The following TNNI3K variants were observed in gnomAD, a reference collection of about 807,000 sequenced individuals.
TNNI3K encodes the protein serine/threonine-protein kinase TNNI3K.
TNNI3K carries 140 observed loss-of-function variants against 114.5 expected under a neutral mutation model. That is an observed-to-expected ratio of 1.22 (90% CI 1.07 to 1.41). The LOEUF (loss-of-function observed/expected upper bound fraction) is 1.41, where lower values mean the gene tolerates loss of function less well. TNNI3K is among the 40% of genes most tolerant of loss of function. The pLI, the probability that TNNI3K is intolerant of heterozygous loss-of-function variation, is 0.00. For missense variants in TNNI3K, 1,125 were observed against 1,007.6 expected (o/e 1.12, Z -1.58); for synonymous variants, 347 against 347.5 (o/e 1.00, Z 0.02).
intron 23 of TNNI3K, among the ~76,000 whole-genome samples, chr1:74,528,570 G>T (rs965127555): frequency 1.3e-5 from 2 of 152,166 alleles, no homozygotes; most frequent in South Asian, 2.1e-4. Context: ...ATATATTTAG[G>T]ATAATGGGAG....
chr1:74,249,137 T>C (rs1193841651), intron 2 of TNNI3K, among the ~76,000 whole-genome samples: 2 of 151,908 alleles, frequency 1.3e-5, no homozygotes, highest in Non-Finnish European at 2.9e-5. Flanking sequence ...CTAGATGATG[T>C]CTGACCTTGG....
At chr1:74,470,445 A>G in intron 21 of TNNI3K, 2 of 400,672 alleles carry the variant, frequency 5.0e-6, no homozygotes. Flanking sequence ...TTGTGCTGTC[A>G]ATTCCTTTTT....
chr1:74,488,310 A>G (rs1486984255), intron 21 of TNNI3K, among the ~76,000 whole-genome samples: 1 of 152,114 alleles, frequency 6.6e-6, no homozygotes, highest in African/African-American at 2.4e-5. Flanking sequence ...GGAGTATGTG[A>G]GAGGAAACAG....
chr1:74,336,985 A>G (rs1162541883), intron 7 of TNNI3K, among the ~76,000 whole-genome samples: 8 of 151,332 alleles, frequency 5.3e-5, no homozygotes, highest in African/African-American at 1.9e-4. Flanking sequence ...AAGTGTTCCT[A>G]TTTCTCCACA....
At chr1:74,318,897 A>G (rs1334894541) in intron 5 of TNNI3K, among the ~76,000 whole-genome samples, 2 of 152,258 alleles carry the variant, frequency 1.3e-5, no homozygotes, top group Non-Finnish European at 2.9e-5. Flanking sequence ...GTAAGTAACT[A>G]TTCCAATGTA....
At chr1:74,504,320 A>C (rs115142318) in intron 23 of TNNI3K, among the ~76,000 whole-genome samples, 1 of 152,144 alleles carries the variant, frequency 6.6e-6, no homozygotes, top group Non-Finnish European at 1.5e-5. Context: ...TTGCTCTCTA[A>C]CGCCATCTAG....
rs370276500 is a variant in TNNI3K at position 74,371,404 on chromosome 1, A to G, written c.1772+1012A>G. Reference sequence around the variant, plus strand: ...ATATTTACCTAAATGTATTTGAGGTATAAAATAATAAGTTATATACAAGAT... The same window carrying G: ...ATATTTACCTAAATGTATTTGAGGTGTAAAATAATAAGTTATATACAAGAT... On this transcript the variant is annotated intron_variant, in intron 17 of 24. Transcript: ENST00000326637. 2.6e-4 allele frequency: 39 copies of G among 151,962 alleles called. No individual in the cohort carries two copies. In the East Asian group the frequency reaches 5.1e-3, roughly 20 times the overall value. The allele number at this position is 151,962 out of a possible 1,614,324, so 9.4% of individuals were successfully genotyped here. A position where few individuals can be genotyped will look rare whatever the true frequency, so the allele number is the denominator to read the frequency against.
chr1:74,469,842 T>C (rs748764225), intron 21 of TNNI3K: 1 of 400,254 alleles, frequency 2.5e-6, no homozygotes, highest in African/African-American at 2.1e-5. Context: ...AAAGCTAAAG[T>C]AGAAAAGGAT....
In TNNI3K at chr1:74,436,594, C is replaced by T. The variant is rs17095317; in HGVS notation, c.1878+68C>T. On this transcript the variant is annotated intron_variant, in intron 19 of 24. Coordinates refer to ENST00000326637, the MANE Select transcript of TNNI3K (RefSeq NM_015978.3). Reference sequence around the variant, plus strand: ...AATATGTAAACTCAGCATGAGAGGACGTAAGATGAGAGCAGTTTTAATTGG... The same window carrying T: ...AATATGTAAACTCAGCATGAGAGGATGTAAGATGAGAGCAGTTTTAATTGG... 4.1e-3 allele frequency: 6,165 copies of T among 1,500,904 alleles called. 234 individuals are homozygous for T. The African/African-American group carries it at 0.081, about 20-fold the overall frequency. 93.0% of individuals were successfully genotyped at this position (1,500,904 alleles called of 1,614,324 possible). A position where few individuals can be genotyped will look rare whatever the true frequency, so the allele number is the denominator to read the frequency against.
At chr1:74,487,498 G>A (rs186895342) in intron 21 of TNNI3K, among the ~76,000 whole-genome samples, 1 of 152,168 alleles carries the variant, frequency 6.6e-6, no homozygotes, top group Admixed American at 6.5e-5. Flanking sequence ...GTGAGACCAG[G>A]CAGAATGGAT....
intron 20 of TNNI3K, among the ~76,000 whole-genome samples, chr1:74,448,247 A>C (rs1666795239): frequency 8.2e-6 from 1 of 121,638 alleles, no homozygotes; most frequent in African/African-American, 3.7e-5. Context: ...GTACCCTAAA[A>C]CTTAGAGTAT....
At chr1:74,253,656 C>T (rs978908849) in intron 4 of TNNI3K, among the ~76,000 whole-genome samples, 1 of 152,098 alleles carries the variant, frequency 6.6e-6, no homozygotes, top group African/African-American at 2.4e-5. Flanking sequence ...GCCAAGCCCA[C>T]GCCCACGCCC....
At chr1:74,305,259 T>C (rs1360064271) in intron 5 of TNNI3K, among the ~76,000 whole-genome samples, 2 of 152,264 alleles carry the variant, frequency 1.3e-5, no homozygotes, top group South Asian at 4.1e-4. Flanking sequence ...AAGAGCCAGG[T>C]TGAAGTGACC....
intron 21 of TNNI3K, chr1:74,468,633 G>C (rs1354752000): frequency 6.6e-6 from 1 of 151,954 alleles, no homozygotes; most frequent in Non-Finnish European, 1.5e-5. Context: ...AAAGAGGCGG[G>C]GTATGTAGGC....
At chr1:74,505,318 C>T (rs1221308783) in intron 23 of TNNI3K, among the ~76,000 whole-genome samples, 1 of 152,182 alleles carries the variant, frequency 6.6e-6, no homozygotes, top group Non-Finnish European at 1.5e-5. Flanking sequence ...TCTGTTCATC[C>T]TCCCTGACTC....
At chr1:74,429,463 G>A (rs1348012419) in intron 17 of TNNI3K, among the ~76,000 whole-genome samples, 2 of 152,090 alleles carry the variant, frequency 1.3e-5, no homozygotes, top group Non-Finnish European at 2.9e-5. Flanking sequence ...GTGTATGGGA[G>A]TCTTATGTTC....
chr1:74,398,274 G>A (rs1664186286), intron 17 of TNNI3K, among the ~76,000 whole-genome samples: 1 of 152,188 alleles, frequency 6.6e-6, no homozygotes, highest in Non-Finnish European at 1.5e-5. Flanking sequence ...CTGAGGATGG[G>A]AGGTGGATGC....
intron 23 of TNNI3K, among the ~76,000 whole-genome samples, chr1:74,532,429 C>A (rs983553678): frequency 6.6e-5 from 10 of 151,596 alleles, no homozygotes; most frequent in Non-Finnish European, 1.2e-4. Flanking sequence ...GGTAACTGAA[C>A]AATAGTTTGA....
intron 7 of TNNI3K, among the ~76,000 whole-genome samples, 184 bp from the exon 8 acceptor site, chr1:74,342,658 T>C (rs1219039679): frequency 6.6e-6 from 1 of 152,188 alleles, no homozygotes; most frequent in East Asian, 1.9e-4. Flanking sequence ...AATGTGGTAG[T>C]AGGCAATAGA....
Sources: gnomAD v4.1 joint callset for allele counts (sites outside exome capture counted in the v4.1 genomes callset) on GRCh38, gnomAD v4.1.1 for gene constraint, MANE v1.5 for transcripts, NCBI Gene and HGNC (gene_info 2026-07-23, HGNC 2026-07-21) for gene names.